ROBO2: variants seen among roughly 807,000 people sequenced by gnomAD.
The protein encoded by ROBO2 is roundabout guidance receptor 2.
ROBO2 carries 53 observed loss-of-function variants against 160.8 expected under a neutral mutation model. The observed-to-expected ratio is 0.33, with a 90% CI of 0.26 to 0.41. The LOEUF (loss-of-function observed/expected upper bound fraction) is 0.41. ROBO2 is among the 10% of genes least tolerant of loss of function. The probability of loss-of-function intolerance (pLI) is 1.00; values close to 1 mark genes in which losing one functional copy is unlikely to be tolerated. For synonymous variants in ROBO2, 664 were observed against 611.7 expected (o/e 1.09, Z -1.26); for missense variants, 1,577 against 1,722.4 (o/e 0.92, Z 1.49).
chr3:76,991,787 G>C (rs1578102970), intron 2 of ROBO2, among the ~76,000 whole-genome samples: 1 of 152,058 alleles, frequency 6.6e-6, no homozygotes, highest in Non-Finnish European at 1.5e-5. Context: ...GAGTAGAAAG[G>C]CTTCAACTAT....
intron 2 of ROBO2, among the ~76,000 whole-genome samples, chr3:76,749,051 G>C (rs1014872999): frequency 2.0e-5 from 3 of 151,478 alleles, no homozygotes; most frequent in African/African-American, 4.8e-5. Flanking sequence ...CAAATATATT[G>C]GACTGTATTG....
At chr3:76,782,173 A>T (rs2062687700) in intron 2 of ROBO2, among the ~76,000 whole-genome samples, 1 of 150,632 alleles carries the variant, frequency 6.6e-6, no homozygotes, top group Admixed American at 6.6e-5. Context: ...ATATTGCTTA[A>T]TTTTCACATA....
chr3:77,477,382 A>G, intron 2 of ROBO2, 32 bp from the exon 3 acceptor site: 5 of 1,509,524 alleles, frequency 3.3e-6, no homozygotes, highest in Non-Finnish European at 3.7e-6. Flanking sequence ...ACTGTCGTTG[A>G]GTTTTCTTTT....
chr3:77,095,586 G>A (rs1409737931), intron 1 of ROBO2, among the ~76,000 whole-genome samples: 1 of 152,076 alleles, frequency 6.6e-6, no homozygotes, highest in Non-Finnish European at 1.5e-5. Context: ...GGAGAACAAA[G>A]GGGCTATCTA....
chr3:76,920,088 A>C (rs1264019456), intron 2 of ROBO2, among the ~76,000 whole-genome samples: 1 of 152,216 alleles, frequency 6.6e-6, no homozygotes, highest in East Asian at 1.9e-4. Flanking sequence ...ATCCAAATTC[A>C]GTAAATCAAG....
At chr3:76,175,410 A>G (rs1355596785) in intron 2 of ROBO2, among the ~76,000 whole-genome samples, 3 of 152,042 alleles carry the variant, frequency 2.0e-5, no homozygotes, top group Admixed American at 2.0e-4. Context: ...TTCCAGACCT[A>G]TATTTAAAAA....
chr3:77,107,040 A>T (rs932002782), intron 2 of ROBO2, among the ~76,000 whole-genome samples: 1 of 152,204 alleles, frequency 6.6e-6, no homozygotes, highest in Non-Finnish European at 1.5e-5. Context: ...TTTTAGGAAA[A>T]TAAATTTATT....
intron 2 of ROBO2, among the ~76,000 whole-genome samples, chr3:76,400,614 G>A (rs942964690): frequency 6.6e-6 from 1 of 151,482 alleles, no homozygotes; most frequent in Non-Finnish European, 1.5e-5. Flanking sequence ...ACTGTGAGTA[G>A]TATAGCAAGA....
chr3:76,689,855 T>C (rs963771262), intron 2 of ROBO2, among the ~76,000 whole-genome samples: 1 of 152,174 alleles, frequency 6.6e-6, no homozygotes, highest in Non-Finnish European at 1.5e-5. Context: ...ACCAAATTCT[T>C]TGTCCAATTT....
At chr3:76,886,147 T>C (rs908407573) in intron 2 of ROBO2, among the ~76,000 whole-genome samples, 2 of 152,156 alleles carry the variant, frequency 1.3e-5, no homozygotes, top group Non-Finnish European at 2.9e-5. Flanking sequence ...TCTGTCTCTT[T>C]ACTCTGGTTC....
chr3:77,523,267 C>T (rs1191435024), intron 6 of ROBO2, among the ~76,000 whole-genome samples: 3 of 151,474 alleles, frequency 2.0e-5, no homozygotes, highest in African/African-American at 7.2e-5. Context: ...CTCATGCTTT[C>T]TGTTTACTAG....
intron 2 of ROBO2, among the ~76,000 whole-genome samples, chr3:77,387,805 T>A (rs907665677): frequency 6.6e-6 from 1 of 152,142 alleles, no homozygotes; most frequent in Non-Finnish European, 1.5e-5. Context: ...GAAAAATACA[T>A]AATTGACTAT....
intron 1 of ROBO2, among the ~76,000 whole-genome samples, chr3:77,067,624 T>C (rs2066993646): frequency 6.6e-6 from 1 of 152,194 alleles, no homozygotes; most frequent in African/African-American, 2.4e-5. Flanking sequence ...GTGCTTGATA[T>C]AGACTCAGTG....
At position 77,227,708 on chromosome 3, in the gene ROBO2, A is replaced by G. The variant is rs542426586; in HGVS notation, c.388+129368A>G. Among the ~76,000 whole-genome samples the G allele has an allele frequency of 3.6e-4, 55 of 152,346 alleles. No homozygotes were observed. The Middle Eastern group carries it at 0.014, about 38-fold the overall frequency. On this transcript the variant is annotated intron_variant, in intron 2 of 25. Coordinates refer to ENST00000461745, the Ensembl canonical transcript of ROBO2. ...TGGGTTTGACTGACAGGTTGGATCA[A>G]GTTGAGGTGGGGAATTGGGGTGGAC...
intron 2 of ROBO2, among the ~76,000 whole-genome samples, chr3:77,179,824 A>G (rs1427602078): frequency 6.6e-6 from 1 of 152,158 alleles, no homozygotes; most frequent in Non-Finnish European, 1.5e-5. Context: ...AACAACTGCT[A>G]GGGTGCGGTT....
chr3:77,535,410 A>G (rs1559560978), intron 6 of ROBO2, among the ~76,000 whole-genome samples: 1 of 151,514 alleles, frequency 6.6e-6, no homozygotes, highest in Non-Finnish European at 1.5e-5. Context: ...CCCTCTCTTT[A>G]CTCCCACACT....
intron 2 of ROBO2, among the ~76,000 whole-genome samples, chr3:77,125,101 C>G (rs1475791071): frequency 6.6e-6 from 1 of 152,072 alleles, no homozygotes; most frequent in African/African-American, 2.4e-5. Flanking sequence ...CATGTCCCTA[C>G]TTTTGCTCAT....
At chr3:77,098,859 A>AAAAC (rs573823913) in intron 2 of ROBO2, among the ~76,000 whole-genome samples, 149 of 135,388 alleles carry the variant, frequency 1.1e-3, no homozygotes, top group Non-Finnish European at 1.5e-3. Context: ...CCGTCTCAAA[A>AAAAC]AAACAAACAA....
intron 2 of ROBO2, among the ~76,000 whole-genome samples, chr3:76,490,835 A>T (rs193003354): frequency 2.1e-3 from 315 of 152,330 alleles, no homozygotes; most frequent in African/African-American, 7.3e-3. Context: ...AGGGTTATTT[A>T]AAGCTTTAAA....
Sources: gnomAD v4.1 joint callset for allele counts (sites outside exome capture counted in the v4.1 genomes callset) on GRCh38, gnomAD v4.1.1 for gene constraint, MANE v1.5 for transcripts, NCBI Gene and HGNC (gene_info 2026-07-23, HGNC 2026-07-21) for gene names.